The following GP2 variants were observed in gnomAD, a reference collection of about 807,000 sequenced individuals.
GP2 encodes the protein pancreatic secretory granule membrane major glycoprotein GP2.
A neutral mutation model predicts 60.8 loss-of-function variants in GP2; 58 were observed. The ratio of observed to expected loss-of-function variants is 0.95; its 90% CI spans 0.77 to 1.19. GP2 has a LOEUF of 1.19. Ranked by LOEUF, GP2 falls within the 50% of genes most tolerant of loss-of-function variation. GP2 has a pLI of 0.00. For missense variants in GP2, 647 were observed against 667.4 expected (o/e 0.97, Z 0.34); for synonymous variants, 280 against 253.4 (o/e 1.10, Z -1.00).
chr16:20,323,820 G>T lies in GP2; in HGVS notation c.531C>A (p.Cys177Ter). Reference sequence around the variant, plus strand: ...CTCCAGGGCTCTGCTGCTCACCTGTGCAGTATCTCAGATTACACCAGGGAG... The same window carrying T: ...CTCCAGGGCTCTGCTGCTCACCTGTTCAGTATCTCAGATTACACCAGGGAG... The part of the protein sequence containing the change: ...EGTPWCNLRY[C>*]TDPSTVEDKC... The change falls in exon 3 of 11, where the codon TGC becomes TGA. Residue 177 changes from cysteine (C) to a stop codon, truncating the protein, a stop_gained. Transcript: ENST00000302555. LOFTEE classifies it high-confidence loss of function. 6.2e-7 allele frequency: 1 copy of T among 1,604,892 alleles called. No homozygotes were observed. The highest frequency in any genetic ancestry group is 2.2e-5 in the East Asian group (1 of 44,760).
In GP2 at chr16:20,318,038, G is replaced by C. The variant is rs577237835; in HGVS notation, c.1253+147C>G. The C allele has an allele frequency of 9.2e-4, 621 of 676,654 alleles. 1 individual carries two copies. The highest frequency in any genetic ancestry group is 4.0e-3 in the Middle Eastern group (12 of 3,014). 41.9% of individuals were successfully genotyped at this position (676,654 alleles called of 1,614,324 possible). A position where few individuals can be genotyped will look rare whatever the true frequency, so the allele number is the denominator to read the frequency against. On this transcript the variant is annotated intron_variant, in intron 7 of 10. Coordinates refer to ENST00000302555, the MANE Select transcript of GP2 (RefSeq NM_001502.4). Reference sequence around the variant, plus strand: ...CACCTGTTTAGTATTAATATTTTAGGCTAAAATCTCAGGAGTGATATTTCT... The same window carrying C: ...CACCTGTTTAGTATTAATATTTTAGCCTAAAATCTCAGGAGTGATATTTCT...
At chr16:20,322,481 T>C (rs4780879) in intron 4 of GP2, among the ~76,000 whole-genome samples, 83,309 of 151,956 alleles carry the variant, frequency 0.55, 23,228 homozygotes, top group East Asian at 0.86. Context: ...CAGATGAGGA[T>C]ATTCAGGCTC....
In GP2 at chr16:20,323,874, G is replaced by A. The variant is rs758067941; in HGVS notation, c.477C>T (p.Gly159=). The change falls in exon 3 of 11, where the codon GGC becomes GGT. Residue 159 remains glycine, a synonymous_variant. Transcript: ENST00000302555. The part of the protein sequence containing the change: ...KTEVLVKACP[G]GYHVYRLEGT... The stretch of plus-strand genomic sequence containing the variant: ...CTTCCAACCGGTACACATGGTACCC[G>A]CCTGGGCAGGCCTTCACCAGCACCT... 6.2e-6 allele frequency: 10 copies of A among 1,613,954 alleles called. No individual in the cohort carries two copies. Among genetic ancestry groups the A allele is most frequent in the African/African-American group, 1.3e-5 (1 of 75,056 alleles).
chr16:20,326,641 T>A lies in GP2; in HGVS notation c.-36-174A>T, dbSNP rs114143166. 9.0e-4 allele frequency: 526 copies of A among 584,334 alleles called. 1 individual carries two copies. In the African/African-American group the frequency reaches 9.1e-3, roughly 10 times the overall value. The allele number at this position is 584,334 out of a possible 1,614,324, so 36.2% of individuals were successfully genotyped here. ...GACAGTAAGCAAACCAAAGGCAAGC[T>A]TAGAGCTGGCTAGTACTGCAGAATG... On this transcript the variant is annotated intron_variant, in intron 1 of 10. Transcript: ENST00000302555.
chr16:20,311,861 G>A (rs1187951223), intron 10 of GP2, among the ~76,000 whole-genome samples: 1 of 152,182 alleles, frequency 6.6e-6, no homozygotes. Context: ...ATACTGAAGG[G>A]GCAGAAAGAC....
At position 20,310,499 on chromosome 16, in the gene GP2, G is replaced by A. The variant is rs1963964996; in HGVS notation, c.*724C>T. On this transcript the variant is annotated 3_prime_UTR_variant, in exon 11 of 11. Coordinates refer to ENST00000302555, the MANE Select transcript of GP2 (RefSeq NM_001502.4). ...TCAGAGGAAGCAGAGTGAACACAAG[G>A]GTCAGTTTCTTCAATTCATGAGCAG... 1 of 152,118 alleles carries A rather than the reference G, an allele frequency of 6.6e-6. No individual in the cohort carries two copies. 9.4% of individuals were successfully genotyped at this position (152,118 alleles called of 1,614,324 possible).
chr16:20,324,299 C>A (rs756490380), intron 2 of GP2, 43 bp from the exon 3 acceptor site: 14 of 1,312,356 alleles, frequency 1.1e-5, no homozygotes, highest in Non-Finnish European at 1.4e-5. Flanking sequence ...TGAGCAATGC[C>A]AGAACCTACA....
At position 20,311,126 on chromosome 16, in the gene GP2, A is replaced by C; in HGVS notation, c.*97T>G. Reference sequence around the variant, plus strand: ...GCTTGGCCTTGATTCTATTAATACCAAGCCTGTGTGAATTGGAGTGGAAAG... The same window carrying C: ...GCTTGGCCTTGATTCTATTAATACCCAGCCTGTGTGAATTGGAGTGGAAAG... On this transcript the variant is annotated 3_prime_UTR_variant, in exon 11 of 11. Coordinates refer to ENST00000302555, the MANE Select transcript of GP2 (RefSeq NM_001502.4). 2 of 800,690 alleles carry C rather than the reference A, an allele frequency of 2.5e-6. No homozygotes were observed. Among genetic ancestry groups the C allele is most frequent in the South Asian group, 2.8e-5 (2 of 72,568 alleles). 49.6% of individuals were successfully genotyped at this position (800,690 alleles called of 1,614,324 possible).
chr16:20,317,548 T>G (rs894702704), intron 7 of GP2, among the ~76,000 whole-genome samples, 173 bp from the exon 8 acceptor site: 16 of 152,212 alleles, frequency 1.1e-4, no homozygotes, highest in African/African-American at 3.9e-4. Context: ...GCACAGTCTC[T>G]GGAGTGAAAC....
rs773355606 is a variant in GP2 at position 20,320,298 on chromosome 16, G to T, written c.822C>A (p.Ser274Arg). Residue 274 changes from serine to arginine, a missense_variant, in exon 5 of 11, where the codon AGC (serine) becomes AGA (arginine). By Grantham distance (110) the Ser-to-Arg change is moderately radical. Transcript: ENST00000302555. ...TCCTGCAGGCACTAGCCTGGACGGG[G>T]CTGGTCACAGATACCCAGTTCCTCT... The part of the protein sequence containing the change: ...TEERNWVSVT[S>R]PVQASACRNI... The T allele has an allele frequency of 8.7e-5, 141 of 1,613,930 alleles. No homozygotes were observed. Among genetic ancestry groups the T allele is most frequent in the Non-Finnish European group, 1.3e-5 (15 of 1,179,922 alleles).
rs746973680 is a variant in GP2 at position 20,316,053 on chromosome 16, T to G, written c.1417-13A>C. ...TTCTTGAGCAAGACTGTAGGGATGA[T>G]GAACTTTTATTATATCAAAATTTAA... is the stretch of plus-strand genomic sequence containing the variant. On this transcript the variant is annotated splice_polypyrimidine_tract_variant and intron_variant, in intron 8 of 10. Coordinates refer to ENST00000302555, the MANE Select transcript of GP2 (RefSeq NM_001502.4). 6.4e-7 allele frequency: 1 copy of G among 1,557,406 alleles called. No homozygotes were observed. Among genetic ancestry groups the G allele is most frequent in the African/African-American group, 1.4e-5 (1 of 73,772 alleles).
rs74011916 is a variant in GP2, at chr16:20,324,378, T to C, written c.95-122A>G. 4.5e-5 allele frequency: 28 copies of C among 623,892 alleles called. 1 individual carries two copies. Among genetic ancestry groups the C allele is most frequent in the Non-Finnish European group, 7.8e-5 (27 of 345,724 alleles). The allele number at this position is 623,892 out of a possible 1,614,324, so 38.6% of individuals were successfully genotyped here. On this transcript the variant is annotated intron_variant, in intron 2 of 10. Coordinates refer to ENST00000302555, the MANE Select transcript of GP2 (RefSeq NM_001502.4). ...TCCAATGAGGACAATACACACACGGTCCATTAATTAAACATCAACTTCATC... is the reference window on the plus strand; with the variant it reads ...TCCAATGAGGACAATACACACACGGCCCATTAATTAAACATCAACTTCATC...
Position 20,320,360 on chromosome 16 carries a change from G to C in GP2, c.760C>G (p.Arg254Gly), listed in dbSNP as rs753458433. Reference protein sequence around the residue: ...GLGEEVIAYLRDPNCSSILQT... With the variant: ...GLGEEVIAYLGDPNCSSILQT... The stretch of plus-strand genomic sequence containing the variant: ...AAGATGCTGCTGCAGTTTGGGTCTC[G>C]CAGGTAGGCAATGACCTCCTCCCCC... The change falls in exon 5 of 11, where the codon CGA becomes GGA. Residue 254 changes from arginine to glycine, a missense_variant. By Grantham distance (125) the Arg-to-Gly change is moderately radical. Coordinates refer to ENST00000302555, the MANE Select transcript of GP2 (RefSeq NM_001502.4). 1 of 1,613,742 alleles carries C rather than the reference G, an allele frequency of 6.2e-7. No individual in the cohort carries two copies. Among genetic ancestry groups the C allele is most frequent in the Non-Finnish European group, 8.5e-7 (1 of 1,179,676 alleles).
intron 7 of GP2, 47 bp downstream of exon 7, chr16:20,318,138 T>G (rs1964241851): frequency 6.5e-7 from 1 of 1,542,168 alleles, no homozygotes; most frequent in African/African-American, 1.4e-5. Flanking sequence ...AACACTTTCC[T>G]GTAAACGTTA....
Position 20,323,936 on chromosome 16 carries a change from C to A in GP2, c.415G>T (p.Ala139Ser), listed in dbSNP as rs759600381. Residue 139 changes from alanine (A) to serine (S), a missense_variant, in exon 3 of 11, where the codon GCC (alanine) becomes TCC (serine). Physicochemically the swap from Ala to Ser is moderately conservative, Grantham distance 99 (BLOSUM62 1). Coordinates refer to ENST00000302555, the MANE Select transcript of GP2 (RefSeq NM_001502.4). ...GDGITNHTAC[A>S]HWSGNCCFWK... ...AAACAGCAGTTGCCACTCCAATGGG[C>A]ACAGGCAGTGTGGTTGGTGATGCCA... 3 of 1,613,898 alleles carry A rather than the reference C, an allele frequency of 1.9e-6. No homozygotes were observed. Among genetic ancestry groups the A allele is most frequent in the Non-Finnish European group, 2.5e-6 (3 of 1,179,868 alleles).
At chr16:20,324,365 A>T in intron 2 of GP2, 109 bp from the exon 3 acceptor site, 3 of 650,276 alleles carry the variant, frequency 4.6e-6, no homozygotes, top group Non-Finnish European at 8.3e-6. Context: ...CAATGAGGAC[A>T]ATACACACAC....
Position 20,317,314 on chromosome 16 carries a change from G to A in GP2, c.1315C>T (p.Arg439Trp), listed in dbSNP as rs752620491. ...VEENGQSSES[R>W]FSVQMFMFAG... ...AACATGAACATCTGAACTGAGAACCGGCTTTCCGAGGACTGCCCATTCTCC... is the reference window on the plus strand; with the variant it reads ...AACATGAACATCTGAACTGAGAACCAGCTTTCCGAGGACTGCCCATTCTCC... Residue 439 changes from arginine to tryptophan, a missense_variant, in exon 8 of 11, where the codon CGG becomes TGG. Transcript: ENST00000302555. 8.7e-6 allele frequency: 14 copies of A among 1,613,240 alleles called. No individual in the cohort carries two copies. In the African/African-American group the frequency reaches 9.3e-5, roughly 11 times the overall value.
chr16:20,315,601 G>C (rs1284138161), intron 9 of GP2, among the ~76,000 whole-genome samples: 1 of 152,156 alleles, frequency 6.6e-6, no homozygotes, highest in East Asian at 1.9e-4. Flanking sequence ...ACATGTTTTG[G>C]AATCAGACTG....
At chr16:20,319,244 T>A (rs1327594305) in intron 6 of GP2, among the ~76,000 whole-genome samples, 2 of 152,192 alleles carry the variant, frequency 1.3e-5, no homozygotes, top group African/African-American at 2.4e-5. Context: ...ACATTTCTTT[T>A]ACATTGTACT....
Sources: gnomAD v4.1 joint callset for allele counts (sites outside exome capture counted in the v4.1 genomes callset) on GRCh38, gnomAD v4.1.1 for gene constraint, MANE v1.5 for transcripts, NCBI Gene and HGNC (gene_info 2026-07-23, HGNC 2026-07-21) for gene names.